Variants in CLDN19 observed in about 807,000 individuals in gnomAD.
CLDN19 encodes the protein claudin 19, also known as claudin-19.
Under a neutral mutation model 24.5 loss-of-function variants are expected in CLDN19, and 19 were observed. That is an observed-to-expected ratio of 0.78 (90% CI 0.54 to 1.14). The LOEUF (loss-of-function observed/expected upper bound fraction) is 1.14, where lower values mean the gene tolerates loss of function less well. Among genes scored for constraint, CLDN19 ranks in the 50% most tolerant of loss-of-function variants. CLDN19 has a pLI of 0.00. For missense variants in CLDN19, 250 were observed against 295.9 expected (o/e 0.84, Z 1.14); for synonymous variants, 117 against 129.6 (o/e 0.90, Z 0.66).
intron 1 of CLDN19, among the ~76,000 whole-genome samples, chr1:42,738,822 C>T (rs889564444): frequency 6.6e-6 from 1 of 152,122 alleles, no homozygotes; most frequent in Non-Finnish European, 1.5e-5. Context: ...CCCTTGCAGG[C>T]TTTTCCGGTA....
chr1:42,739,728 G>T, intron 1 of CLDN19, 113 bp downstream of exon 1: 1 of 874,860 alleles, frequency 1.1e-6, no homozygotes, highest in Non-Finnish European at 1.8e-6. Flanking sequence ...GAATTGTAGA[G>T]CGGAGGCTGG....
At position 42,735,100 on chromosome 1, in the gene CLDN19, G is replaced by A. The variant is rs1279949075; in HGVS notation, c.661C>T (p.Pro221Ser). 1 of 1,611,854 alleles carries A rather than the reference G, an allele frequency of 6.2e-7. No homozygotes were observed. Among genetic ancestry groups the A allele is most frequent in the Non-Finnish European group, 8.5e-7 (1 of 1,177,974 alleles). ...VVKLPASAKG[P>S]LGV ...GGGACTGGACATTACACACCCAGGGGGCCCTTGGCGGAGGCGGGCAATTTA... is the reference window on the plus strand; with the variant it reads ...GGGACTGGACATTACACACCCAGGGAGCCCTTGGCGGAGGCGGGCAATTTA... The change falls in exon 5 of 5, where the codon CCC becomes TCC. Residue 221 changes from proline (P) to serine (S), a missense_variant. Coordinates refer to ENST00000296387, the MANE Select transcript of CLDN19 (RefSeq NM_148960.3).
At chr1:42,735,415 TGTG>T (rs913683166) in intron 4 of CLDN19, 7 of 1,419,794 alleles carry the variant, frequency 4.9e-6, no homozygotes, top group Non-Finnish European at 6.4e-6. Context: ...GCACTGCCCT[TGTG>T]GGGTTGCTGT....
chr1:42,738,601 T>C lies in CLDN19; in HGVS notation c.224-16A>G, dbSNP rs758626635. 6.2e-7 allele frequency: 1 copy of C among 1,611,298 alleles called. No individual in the cohort carries two copies. The highest frequency in any genetic ancestry group is 8.5e-7 in the Non-Finnish European group (1 of 1,178,628). On this transcript the variant is annotated splice_polypyrimidine_tract_variant and intron_variant, in intron 1 of 4. Coordinates refer to ENST00000296387, the MANE Select transcript of CLDN19 (RefSeq NM_148960.3). ...TGGATGTGACCTAGGGTGGGCGGGATGACACTGAGTCGGGCTGGCGGGGAT... is the reference window on the plus strand; with the variant it reads ...TGGATGTGACCTAGGGTGGGCGGGACGACACTGAGTCGGGCTGGCGGGGAT...
intron 4 of CLDN19, 90 bp from the exon 5 acceptor site, chr1:42,735,224 G>A (rs1651320363): frequency 3.2e-6 from 5 of 1,583,420 alleles, no homozygotes; most frequent in South Asian, 2.3e-5. Flanking sequence ...CATGGGTACT[G>A]GCCAGCGTGG....
chr1:42,735,432 G>A, intron 4 of CLDN19: 1 of 1,418,220 alleles, frequency 7.1e-7, no homozygotes, highest in Non-Finnish European at 9.2e-7. Context: ...TTGCTGTGAG[G>A]AGCCCATGGG....
intron 4 of CLDN19, 42 bp downstream of exon 4, chr1:42,735,836 C>G: frequency 6.4e-7 from 1 of 1,558,422 alleles, no homozygotes; most frequent in Non-Finnish European, 8.7e-7. Flanking sequence ...AAGGGGGCCA[C>G]TGGGTGGGGG....
At chr1:42,735,841 T>G (rs1570442470) in intron 4 of CLDN19, 37 bp downstream of exon 4, 1 of 1,559,602 alleles carries the variant, frequency 6.4e-7, no homozygotes, top group African/African-American at 1.4e-5. Flanking sequence ...GGCCACTGGG[T>G]GGGGGGCTGG....
At chr1:42,737,260 C>G (rs556571266) in intron 3 of CLDN19, among the ~76,000 whole-genome samples, 1 of 152,214 alleles carries the variant, frequency 6.6e-6, no homozygotes, top group Non-Finnish European at 1.5e-5. Context: ...AAACTCTCTG[C>G]TCAGACCTTT....
chr1:42,737,847 T>C (rs1214245153), intron 3 of CLDN19, among the ~76,000 whole-genome samples: 1 of 152,214 alleles, frequency 6.6e-6, no homozygotes, highest in African/African-American at 2.4e-5. Context: ...CATGCCCAGA[T>C]ATTTTTTGTA....
chr1:42,735,210 C>G, intron 4 of CLDN19, 76 bp from the exon 5 acceptor site: 2 of 1,600,106 alleles, frequency 1.2e-6, no homozygotes. Flanking sequence ...CATTCAGGCC[C>G]GGACATGGGT....
At chr1:42,739,747 G>A (rs989803437) in intron 1 of CLDN19, 94 bp downstream of exon 1, 2 of 1,040,514 alleles carry the variant, frequency 1.9e-6, no homozygotes, top group Admixed American at 2.0e-5. Context: ...GGAGGTTGGA[G>A]CCCAGCGCAG....
intron 3 of CLDN19, among the ~76,000 whole-genome samples, chr1:42,736,493 G>C (rs1651379174): frequency 1.3e-5 from 2 of 151,990 alleles, no homozygotes; most frequent in African/African-American, 2.4e-5. Flanking sequence ...TCCACACCCA[G>C]ACCCTGCTGG....
At position 42,734,344 on chromosome 1, in the gene CLDN19, C is replaced by G. The variant is rs1651285812; in HGVS notation, c.*742G>C. 1.3e-5 allele frequency: 2 copies of G among 152,434 alleles called. No homozygotes were observed. Among genetic ancestry groups the G allele is most frequent in the Non-Finnish European group, 2.9e-5 (2 of 68,284 alleles). The allele number at this position is 152,434 out of a possible 1,614,324, so 9.4% of individuals were successfully genotyped here. A position where few individuals can be genotyped will look rare whatever the true frequency, so the allele number is the denominator to read the frequency against. On this transcript the variant is annotated 3_prime_UTR_variant, in exon 5 of 5. Transcript: ENST00000296387. ...AGTCTCTGGGCAGCCCCAGGCTGTC[C>G]CCTCCCCACTCTGATTCTAGGACAA...
Position 42,739,893 on chromosome 1 carries a change from C to T in CLDN19, c.171G>A (p.Gln57=), listed in dbSNP as rs1651493539. The T allele has an allele frequency of 1.2e-6, 2 of 1,613,058 alleles. No individual in the cohort carries two copies. Among genetic ancestry groups the T allele is most frequent in the East Asian group, 2.2e-5 (1 of 44,874 alleles). ...YEGLWMSCAS[Q]STGQVQCKLY... is the part of the protein sequence containing the mutation. ...GCTTGCACTGCACTTGCCCAGTGCT[C>T]TGGGAGGCGCAGGACATCCAGAGCC... The change falls in exon 1 of 5, where the codon CAG becomes CAA. Residue 57 remains glutamine (Q), a synonymous_variant. Transcript: ENST00000296387.
intron 1 of CLDN19, 113 bp from the exon 2 acceptor site, chr1:42,738,698 G>A: frequency 2.0e-6 from 2 of 1,013,048 alleles, no homozygotes; most frequent in South Asian, 1.5e-5. Flanking sequence ...GAGCTGGCCT[G>A]GGGGGTCAGA....
intron 3 of CLDN19, among the ~76,000 whole-genome samples, chr1:42,737,560 T>G (rs1468392546): frequency 1.3e-5 from 2 of 152,202 alleles, no homozygotes; most frequent in Non-Finnish European, 2.9e-5. Flanking sequence ...TCCTGCTGGA[T>G]CCTGACAACC....
intron 4 of CLDN19, 167 bp from the exon 5 acceptor site, chr1:42,735,301 G>A (rs533160815): frequency 1.0e-5 from 15 of 1,505,858 alleles, no homozygotes; most frequent in Admixed American, 4.3e-5. Flanking sequence ...GCCATGGTCC[G>A]ACCTCACCAT....
In CLDN19 at chr1:42,738,514, C is replaced by A; in HGVS notation, c.295G>T (p.Val99Leu). The A allele has an allele frequency of 6.2e-7, 1 of 1,614,040 alleles. No homozygotes were observed. Among genetic ancestry groups the A allele is most frequent in the Non-Finnish European group, 8.5e-7 (1 of 1,180,032 alleles). ...ACCCGCGTACACTTCATGCCAACTA[C>A]GCTGAGGACCATGGCCACGAAGCCC... ...LLGFVAMVLS[V>L]VGMKCTRVGD... The change falls in exon 2 of 5, where the codon GTA (valine) becomes TTA (leucine). Residue 99 changes from valine (V) to leucine (L), a missense_variant. Val to Leu is a conservative substitution (Grantham distance 32, BLOSUM62 1). Coordinates refer to ENST00000296387, the MANE Select transcript of CLDN19 (RefSeq NM_148960.3).
Sources: gnomAD v4.1 joint callset for allele counts (sites outside exome capture counted in the v4.1 genomes callset) on GRCh38, gnomAD v4.1.1 for gene constraint, MANE v1.5 for transcripts, NCBI Gene and HGNC (gene_info 2026-07-23, HGNC 2026-07-21) for gene names.